Variants in LRRC40 observed in about 807,000 individuals in gnomAD.
LRRC40 encodes the protein leucine-rich repeat-containing protein 40.
LRRC40 carries 76 observed loss-of-function variants against 72.8 expected under a neutral mutation model. The observed-to-expected ratio is 1.04, with a 90% CI of 0.87 to 1.26. LRRC40 has a LOEUF of 1.26. Ranked by LOEUF, LRRC40 falls within the 50% of genes most tolerant of loss-of-function variation. The probability of loss-of-function intolerance (pLI) is 0.00; values close to 1 mark genes in which losing one functional copy is unlikely to be tolerated. For synonymous variants in LRRC40, 243 were observed against 254.2 expected (o/e 0.96, Z 0.42); for missense variants, 684 against 698.9 (o/e 0.98, Z 0.24).
rs780886620 is a variant in LRRC40, at chr1:70,205,497, C to T, written c.44G>A (p.Gly15Asp). Residue 15 changes from glycine to aspartate, a missense_variant, in exon 1 of 15, where the codon GGT becomes GAT. Coordinates refer to ENST00000370952, the MANE Select transcript of LRRC40 (RefSeq NM_017768.5). ...KRIAGQDLRA[G>D]FKAGGRDCGT... is the part of the protein sequence containing the mutation. ...GCAGTCTCTTCCACCTGCTTTGAAA[C>T]CAGCGCGGAGATCCTGCCCCGCTAT... 6.2e-7 allele frequency: 1 copy of T among 1,606,364 alleles called. No homozygotes were observed. The highest frequency in any genetic ancestry group is 8.5e-7 in the Non-Finnish European group (1 of 1,173,768).
chr1:70,155,936 C>T (rs1420170147), intron 10 of LRRC40, 140 bp from the exon 11 acceptor site: 3 of 430,218 alleles, frequency 7.0e-6, no homozygotes, highest in African/African-American at 6.0e-5. Flanking sequence ...GTAACAAATG[C>T]CACATAATCT....
rs1667810376 is a variant in LRRC40, at chr1:70,163,454, C to A, written c.1112-4016G>T. Among the ~76,000 whole-genome samples the A allele has an allele frequency of 2.0e-5, 3 of 152,138 alleles. No individual in the cohort carries two copies. In the South Asian group the frequency reaches 6.2e-4, roughly 32 times the overall value. Reference sequence around the variant, plus strand: ...CAACTTCTAGTAGCCACCTCATATTCCTTGCTTCATGGCCTTCCTCCTCCA... The same window carrying A: ...CAACTTCTAGTAGCCACCTCATATTACTTGCTTCATGGCCTTCCTCCTCCA... On this transcript the variant is annotated intron_variant, in intron 9 of 14. Coordinates refer to ENST00000370952, the MANE Select transcript of LRRC40 (RefSeq NM_017768.5).
At chr1:70,181,027 C>T in intron 5 of LRRC40, 59 bp downstream of exon 5, 1 of 1,217,286 alleles carries the variant, frequency 8.2e-7, no homozygotes. Context: ...AAATTACTTT[C>T]TAAATGTAAG....
chr1:70,184,725 A>C, intron 4 of LRRC40, 60 bp downstream of exon 4: 1 of 1,474,604 alleles, frequency 6.8e-7, no homozygotes, highest in Non-Finnish European at 9.2e-7. Flanking sequence ...TTAATTTCTC[A>C]GCCTGATGAA....
chr1:70,189,051 C>G lies in LRRC40; in HGVS notation c.333+41G>C, dbSNP rs754573442. On this transcript the variant is annotated intron_variant, in intron 2 of 14. Transcript: ENST00000370952. Reference sequence around the variant, plus strand: ...CAAAGCCTAAATTTAGCTTTAGAGTCTCTTCAATTAATAATCCATATTTAT... The same window carrying G: ...CAAAGCCTAAATTTAGCTTTAGAGTGTCTTCAATTAATAATCCATATTTAT... The G allele has an allele frequency of 7.8e-6, 12 of 1,543,946 alleles. No individual in the cohort carries two copies. The South Asian group carries it at 1.4e-4, about 17-fold the overall frequency.
At chr1:70,169,387 G>A (rs1667955360) in intron 9 of LRRC40, among the ~76,000 whole-genome samples, 1 of 151,974 alleles carries the variant, frequency 6.6e-6, no homozygotes, top group Non-Finnish European at 1.5e-5. Context: ...CCAGAACGCT[G>A]GCCCCAGTCA....
At chr1:70,156,843 C>T (rs1276126592) in intron 10 of LRRC40, among the ~76,000 whole-genome samples, 2 of 152,252 alleles carry the variant, frequency 1.3e-5, no homozygotes, top group East Asian at 1.9e-4. Flanking sequence ...CAATTTAAAA[C>T]TTATAAATTG....
chr1:70,152,551 A>G lies in LRRC40; in HGVS notation c.1329-8T>C. 6.9e-7 allele frequency: 1 copy of G among 1,454,488 alleles called. No homozygotes were observed. Among genetic ancestry groups the G allele is most frequent in the Non-Finnish European group, 9.6e-7 (1 of 1,038,540 alleles). 90.1% of individuals were successfully genotyped at this position (1,454,488 alleles called of 1,614,324 possible). ...TCCTTCAGTTCTACCATCCTGAAAC[A>G]AAAATAATTTTAAAATGTTAGCACT... On this transcript the variant is annotated splice_region_variant and splice_polypyrimidine_tract_variant and intron_variant, in intron 11 of 14. Coordinates refer to ENST00000370952, the MANE Select transcript of LRRC40 (RefSeq NM_017768.5).
chr1:70,159,707 A>G (rs1667715052), intron 9 of LRRC40, among the ~76,000 whole-genome samples: 1 of 152,202 alleles, frequency 6.6e-6, no homozygotes, highest in African/African-American at 2.4e-5. Flanking sequence ...CCTTCATAGA[A>G]TAACTATGAT....
chr1:70,197,967 G>A (rs1327596543), intron 1 of LRRC40, among the ~76,000 whole-genome samples: 1 of 151,936 alleles, frequency 6.6e-6, no homozygotes, highest in Non-Finnish European at 1.5e-5. Context: ...TTGCCTTGTT[G>A]CCCAGACTGG....
At chr1:70,169,756 T>C (rs887166751) in intron 9 of LRRC40, among the ~76,000 whole-genome samples, 7 of 151,688 alleles carry the variant, frequency 4.6e-5, no homozygotes, top group East Asian at 1.9e-4. Flanking sequence ...ACAATCTGAG[T>C]ATATCTATAA....
chr1:70,192,152 T>C (rs187224188), intron 1 of LRRC40, among the ~76,000 whole-genome samples: 10 of 152,142 alleles, frequency 6.6e-5, no homozygotes, highest in Admixed American at 2.0e-4. Context: ...CTTTGAGCAG[T>C]GTTTTGTAAT....
At chr1:70,152,756 G>C (rs41287890) in intron 11 of LRRC40, among the ~76,000 whole-genome samples, 3,184 of 152,094 alleles carry the variant, frequency 0.021, 45 homozygotes, top group Non-Finnish European at 0.031. Flanking sequence ...CTGTCCAAAA[G>C]TTTCTATTTG....
intron 1 of LRRC40, among the ~76,000 whole-genome samples, chr1:70,196,147 C>A (rs954529277): frequency 4.6e-5 from 7 of 151,712 alleles, no homozygotes; most frequent in African/African-American, 1.5e-4. Context: ...AAGCTTATAG[C>A]AATTTTATTC....
chr1:70,177,330 C>A (rs1002502814), intron 6 of LRRC40, among the ~76,000 whole-genome samples: 1 of 152,074 alleles, frequency 6.6e-6, no homozygotes, highest in Non-Finnish European at 1.5e-5. Flanking sequence ...ATCATAACTA[C>A]ATAAAATTAA....
intron 9 of LRRC40, among the ~76,000 whole-genome samples, chr1:70,167,230 T>TAAAAAAAA: frequency 1.6e-5 from 2 of 126,928 alleles, no homozygotes; most frequent in East Asian, 2.2e-4. Flanking sequence ...TAAAAAGTGT[T>TAAAAAAAA]AAAAAAAAAA....
At chr1:70,176,409 G>A (rs1052728282) in intron 6 of LRRC40, among the ~76,000 whole-genome samples, 11 of 151,734 alleles carry the variant, frequency 7.2e-5, no homozygotes, top group Non-Finnish European at 1.6e-4. Flanking sequence ...GAGCGTGCCT[G>A]TAGTCCCAGC....
chr1:70,191,645 T>C (rs1040255343), intron 1 of LRRC40, among the ~76,000 whole-genome samples: 2 of 152,106 alleles, frequency 1.3e-5, no homozygotes, highest in African/African-American at 4.8e-5. Flanking sequence ...TTCCAGAGCT[T>C]ACAGCATCAA....
chr1:70,183,278 G>C (rs1668285866), intron 4 of LRRC40, among the ~76,000 whole-genome samples: 1 of 151,962 alleles, frequency 6.6e-6, no homozygotes, highest in Non-Finnish European at 1.5e-5. Context: ...AGAGGGAAAA[G>C]AATAACAATG....
Sources: gnomAD v4.1 joint callset for allele counts (sites outside exome capture counted in the v4.1 genomes callset) on GRCh38, gnomAD v4.1.1 for gene constraint, MANE v1.5 for transcripts, NCBI Gene and HGNC (gene_info 2026-07-23, HGNC 2026-07-21) for gene names.